The following DNAL1 variants were observed in gnomAD, a reference collection of about 807,000 sequenced individuals.
DNAL1 encodes chromosome 14 open reading frame 168.
In DNAL1, 17 loss-of-function variants were observed where a neutral mutation model predicts 29.4. The ratio of observed to expected loss-of-function variants is 0.58; its 90% CI spans 0.40 to 0.87. The LOEUF (loss-of-function observed/expected upper bound fraction) is 0.87, where lower values mean the gene tolerates loss of function less well. Among genes scored for constraint, DNAL1 ranks in the 40% least tolerant of loss-of-function variants. The pLI, the probability that DNAL1 is intolerant of heterozygous loss-of-function variation, is 0.00. For missense variants in DNAL1, 188 were observed against 214.1 expected (o/e 0.88, Z 0.76); for synonymous variants, 78 against 76.3 (o/e 1.02, Z -0.12).
intron 7 of DNAL1, among the ~76,000 whole-genome samples, chr14:73,693,341 G>T (rs1258097747): frequency 6.6e-6 from 1 of 152,034 alleles, no homozygotes; most frequent in Non-Finnish European, 1.5e-5. Context: ...CAAAGAAAAG[G>T]GTGTGAATGT....
intron 5 of DNAL1, among the ~76,000 whole-genome samples, chr14:73,672,621 AAAAAAG>A (rs1206785605): frequency 2.7e-3 from 408 of 151,532 alleles, no homozygotes; most frequent in African/African-American, 9.6e-3. Context: ...AAAAAAAAAA[AAAAAAG>A]AAATTCTTAA....
chr14:73,678,720 C>T (rs1891804031), intron 5 of DNAL1, among the ~76,000 whole-genome samples: 1 of 152,066 alleles, frequency 6.6e-6, no homozygotes, highest in Non-Finnish European at 1.5e-5. Context: ...AAGTATTTCA[C>T]TGCAACATAG....
intron 1 of DNAL1, among the ~76,000 whole-genome samples, chr14:73,646,516 C>T (rs1046647653): frequency 1.7e-5 from 2 of 114,820 alleles, no homozygotes; most frequent in Non-Finnish European, 2.3e-5. Context: ...AATCCCAGCA[C>T]TTTGTGAGGC....
At chr14:73,664,445 TAAAAGCTTTTAGTATCC>T (rs1891428928) in intron 4 of DNAL1, among the ~76,000 whole-genome samples, 2 of 152,204 alleles carry the variant, frequency 1.3e-5, no homozygotes, top group Admixed American at 1.3e-4. Context: ...AAAAGTCATC[TAAAAGCTTTTAGTATCC>T]AATTTACACC....
chr14:73,687,064 G>A (rs1443181255), intron 5 of DNAL1, among the ~76,000 whole-genome samples, 195 bp from the exon 6 acceptor site: 5 of 146,710 alleles, frequency 3.4e-5, no homozygotes, highest in Non-Finnish European at 6.0e-5. Context: ...AGATTAGTTT[G>A]AAGAAGGGAA....
chr14:73,694,350 G>T (rs921597875), intron 7 of DNAL1, among the ~76,000 whole-genome samples: 3 of 152,120 alleles, frequency 2.0e-5, no homozygotes, highest in Non-Finnish European at 4.4e-5. Context: ...TTAACCAGTA[G>T]GCCAGAGGTA....
chr14:73,677,883 TTTG>T (rs1566887436), intron 5 of DNAL1, among the ~76,000 whole-genome samples: 2,810 of 125,124 alleles, frequency 0.022, 86 homozygotes, highest in African/African-American at 0.082. Context: ...TATATATATA[TTTG>T]TGTGTGTGTG....
intron 5 of DNAL1, among the ~76,000 whole-genome samples, chr14:73,681,621 A>T (rs1295607152): frequency 8.7e-3 from 346 of 39,770 alleles, no homozygotes; most frequent in African/African-American, 0.018. Flanking sequence ...AAAAAAAAAA[A>T]AAAAAAAAAA....
At chr14:73,647,376 A>AAAAAAG (rs970884497) in intron 1 of DNAL1, among the ~76,000 whole-genome samples, 7 of 110,004 alleles carry the variant, frequency 6.4e-5, no homozygotes, top group African/African-American at 2.1e-4. Context: ...AAAAAAAAAA[A>AAAAAAG]AAAAAGAAAA....
Position 73,675,211 on chromosome 14 carries a change from AACACAC to A in DNAL1, c.264+3630_264+3635del, listed in dbSNP as rs141910596. Among the ~76,000 whole-genome samples, 1,218 of 147,332 alleles carry A rather than the reference AACACAC, an allele frequency of 8.3e-3. 21 individuals carry two copies. The highest frequency in any genetic ancestry group is 0.029 in the African/African-American group (1,155 of 40,192). Reference sequence around the variant, plus strand: ...TCTCTCTCTCTCTCTCTCACACACAAACACACACACACACACACACAAATCCTAATG... The same window carrying A: ...TCTCTCTCTCTCTCTCTCACACACAAACACACACACACACAAATCCTAATG... On this transcript the variant is annotated intron_variant, in intron 5 of 7. Coordinates refer to ENST00000553645, the MANE Select transcript of DNAL1 (RefSeq NM_031427.4).
chr14:73,647,368 AAAAAAAAAAAAAAG>A (rs1164929641), intron 1 of DNAL1, among the ~76,000 whole-genome samples: 2 of 107,254 alleles, frequency 1.9e-5, no homozygotes, highest in African/African-American at 6.5e-5. Context: ...CTGTCTCAAA[AAAAAAAAAAAAAAG>A]AAAAAGAAAA....
chr14:73,676,663 G>GT (rs879670215), intron 5 of DNAL1, among the ~76,000 whole-genome samples: 124 of 151,046 alleles, frequency 8.2e-4, no homozygotes, highest in Non-Finnish European at 1.3e-3. Flanking sequence ...TTATTTCCAG[G>GT]TTTTTTTTTC....
At chr14:73,689,828 G>A (rs1327655641) in intron 7 of DNAL1, among the ~76,000 whole-genome samples, 1 of 151,984 alleles carries the variant, frequency 6.6e-6, no homozygotes, top group African/African-American at 2.4e-5. Flanking sequence ...CGAAGGTCAG[G>A]AGTCTGAGAC....
chr14:73,669,032 G>A (rs1891553230), intron 4 of DNAL1, among the ~76,000 whole-genome samples: 1 of 152,070 alleles, frequency 6.6e-6, no homozygotes, highest in African/African-American at 2.4e-5. Context: ...ATTGCCTCTT[G>A]TTACAAGGAT....
chr14:73,693,325 A>T (rs1008647431), intron 7 of DNAL1, among the ~76,000 whole-genome samples: 2 of 152,178 alleles, frequency 1.3e-5, no homozygotes, highest in Non-Finnish European at 2.9e-5. Context: ...TCCTAACTAC[A>T]TACCCCAAAG....
At position 73,671,558 on chromosome 14, in the gene DNAL1, A is replaced by T; in HGVS notation, c.225A>T (p.Leu75Phe). The T allele has an allele frequency of 6.7e-7, 1 of 1,493,964 alleles. No homozygotes were observed. The highest frequency in any genetic ancestry group is 1.4e-5 in the South Asian group (1 of 70,654). The allele number at this position is 1,493,964 out of a possible 1,614,324, so 92.5% of individuals were successfully genotyped here. A position where few individuals can be genotyped will look rare whatever the true frequency, so the allele number is the denominator to read the frequency against. ...NLNGLKNLRI[L>F]SLGRNNIKNL... is the part of the protein sequence containing the mutation. Reference sequence around the variant, plus strand: ...TCACTACAGAAAACTTGAGGATATTATCTTTAGGAAGAAACAACATAAAGA... The same window carrying T: ...TCACTACAGAAAACTTGAGGATATTTTCTTTAGGAAGAAACAACATAAAGA... Residue 75 changes from leucine to phenylalanine, a missense_variant, in exon 5 of 8, where the codon TTA becomes TTT. Leu to Phe is a conservative substitution (Grantham distance 22). Coordinates refer to ENST00000553645, the MANE Select transcript of DNAL1 (RefSeq NM_031427.4).
At chr14:73,682,337 ATTTT>A (rs57403758) in intron 5 of DNAL1, among the ~76,000 whole-genome samples, 4 of 93,404 alleles carry the variant, frequency 4.3e-5, no homozygotes, top group Non-Finnish European at 6.1e-5. Flanking sequence ...TGCCTGGCTA[ATTTT>A]TTTTTTTTTT....
chr14:73,697,910 C>T lies in DNAL1; in HGVS notation c.*1968C>T, dbSNP rs886050696. ...TTATGAACCATAGGCAATGAGCCTT[C>T]ATTCTCCTTGGTGATGTTTTAAGTT... On this transcript the variant is annotated 3_prime_UTR_variant, in exon 8 of 8. Transcript: ENST00000553645. 3 of 152,080 alleles carry T rather than the reference C, an allele frequency of 2.0e-5. No individual in the cohort carries two copies. 9.4% of individuals were successfully genotyped at this position (152,080 alleles called of 1,614,324 possible). A position where few individuals can be genotyped will look rare whatever the true frequency, so the allele number is the denominator to read the frequency against.
rs577659684 is a variant in DNAL1 at position 73,691,850 on chromosome 14, C to G, written c.532+2335C>G. On this transcript the variant is annotated intron_variant, in intron 7 of 7. Coordinates refer to ENST00000553645, the MANE Select transcript of DNAL1 (RefSeq NM_031427.4). Reference sequence around the variant, plus strand: ...CTGGAACTACAGGCGTGCGCCACCCCCCCCCCCCAGCTAATTTTTGTATTT... The same window carrying G: ...CTGGAACTACAGGCGTGCGCCACCCGCCCCCCCCAGCTAATTTTTGTATTT... Among the ~76,000 whole-genome samples the G allele has an allele frequency of 9.9e-4, 137 of 138,118 alleles. 1 individual carries two copies. Among genetic ancestry groups the G allele is most frequent in the South Asian group, 2.0e-3 (7 of 3,574 alleles). The allele number at this position is 138,118 out of a possible 152,430, so 90.6% of individuals were successfully genotyped here.
Sources: gnomAD v4.1 joint callset for allele counts (sites outside exome capture counted in the v4.1 genomes callset) on GRCh38, gnomAD v4.1.1 for gene constraint, MANE v1.5 for transcripts, NCBI Gene and HGNC (gene_info 2026-07-23, HGNC 2026-07-21) for gene names.